Variants in DNAJC7 observed in about 807,000 individuals in gnomAD.
DNAJC7 encodes DnaJ heat shock protein family (Hsp40) member C7, also known as dnaJ homolog subfamily C member 7.
A neutral mutation model predicts 67.4 loss-of-function variants in DNAJC7; 18 were observed. The observed-to-expected ratio is 0.27, with a 90% CI of 0.18 to 0.40. The LOEUF (loss-of-function observed/expected upper bound fraction) is 0.40. DNAJC7 is among the 10% of genes least tolerant of loss of function. The pLI is 1.00. For missense variants in DNAJC7, 419 were observed against 613.8 expected (o/e 0.68, Z 3.35); for synonymous variants, 220 against 207.8 (o/e 1.06, Z -0.50).
intron 1 of DNAJC7, chr17:42,001,145 GC>G (rs1267972362): frequency 1.3e-5 from 2 of 152,638 alleles, no homozygotes; most frequent in Admixed American, 1.3e-4. Context: ...CAGGAACAGA[GC>G]TGAGTGACAG....
intron 1 of DNAJC7, chr17:42,003,697 T>C (rs553421368): frequency 5.9e-5 from 9 of 151,558 alleles, no homozygotes; most frequent in African/African-American, 2.2e-4. Context: ...AACACACCAG[T>C]ACTGAGAAAA....
At chr17:41,987,642 A>T (rs933848030) in intron 9 of DNAJC7, 177 bp downstream of exon 9, 4 of 533,498 alleles carry the variant, frequency 7.5e-6, no homozygotes, top group African/African-American at 2.0e-5. Context: ...GAGCTTGTGC[A>T]ATCTCCTCCG....
In DNAJC7 at chr17:42,017,406, G is replaced by T; in HGVS notation, c.11C>A (p.Ala4Asp). The change falls in exon 1 of 14, where the codon GCC becomes GAC. Residue 4 changes from alanine (A) to aspartate (D), a missense_variant. Physicochemically the swap from Ala to Asp is moderately radical, Grantham distance 126. Transcript: ENST00000457167. ...CGCCATTACCACATCGCACTCCGCG[G>T]CAGCCGCCATCTTACCGCCGGGACC... The part of the protein sequence containing the change: MAA[A>D]AECDVVMAAT... 1.9e-6 allele frequency: 3 copies of T among 1,608,268 alleles called. No homozygotes were observed. The highest frequency in any genetic ancestry group is 1.7e-6 in the Non-Finnish European group (2 of 1,179,858).
chr17:42,000,498 A>G lies in DNAJC7; in HGVS notation c.150T>C (p.Tyr50=). The G allele has an allele frequency of 6.2e-7, 1 of 1,609,512 alleles. No homozygotes were observed. Among genetic ancestry groups the G allele is most frequent in the Non-Finnish European group, 8.5e-7 (1 of 1,177,418 alleles). ...CTTTCTCACCTATGGCTTTTGTATA[A>G]TAATTATAAGCTTCATTGTAATCTT... ...AKKDYNEAYN[Y]YTKAIDMCPK... Residue 50 remains tyrosine, a synonymous_variant, in exon 2 of 14, where the codon TAT becomes TAC. Coordinates refer to ENST00000457167, the MANE Select transcript of DNAJC7 (RefSeq NM_003315.4).
At chr17:42,010,448 C>T (rs145095388) in intron 1 of DNAJC7, among the ~76,000 whole-genome samples, 4 of 152,102 alleles carry the variant, frequency 2.6e-5, no homozygotes, top group Non-Finnish European at 4.4e-5. Flanking sequence ...GCCAAGATTG[C>T]GCCATTGCAC....
intron 1 of DNAJC7, chr17:42,015,283 T>C (rs2052236721): frequency 1.3e-5 from 2 of 152,026 alleles, no homozygotes; most frequent in Non-Finnish European, 2.9e-5. Context: ...CCCAGCCTAA[T>C]GACACTTAAA....
chr17:41,986,014 A>G (rs1225007081), intron 9 of DNAJC7: 1 of 143,474 alleles, frequency 7.0e-6, no homozygotes, highest in African/African-American at 2.5e-5. Context: ...CTCCGAGCAA[A>G]TCAAGAATTT....
intron 9 of DNAJC7, chr17:41,985,276 A>C (rs2051347741): frequency 6.6e-6 from 1 of 152,210 alleles, no homozygotes; most frequent in South Asian, 2.1e-4. Flanking sequence ...CTTTAAAAAA[A>C]CCAATGGCCT....
At chr17:42,017,295 A>T (rs749609810) in intron 1 of DNAJC7, 45 bp downstream of exon 1, 314 of 1,608,896 alleles carry the variant, frequency 2.0e-4, no homozygotes, top group Non-Finnish European at 2.5e-4. Context: ...TCCCTGAGCC[A>T]CGGAGCTGCA....
In DNAJC7 at chr17:41,977,265, A is replaced by G. The variant is rs1305162944; in HGVS notation, c.1443T>C (p.Phe481=). 1 of 1,580,230 alleles carries G rather than the reference A, an allele frequency of 6.3e-7. No individual in the cohort carries two copies. The highest frequency in any genetic ancestry group is 8.6e-7 in the Non-Finnish European group (1 of 1,163,302). ...AFFGGPGGFS[F]EASGPGNFFF... The stretch of plus-strand genomic sequence containing the variant: ...AAGAACAGCAGGCCCACCTACCTTC[A>G]AAGCTGAAGCCGCCAGGACCGCCAA... Residue 481 remains phenylalanine (F), a synonymous_variant, in exon 13 of 14, where the codon TTT becomes TTC. Transcript: ENST00000457167.
intron 7 of DNAJC7, 64 bp downstream of exon 7, chr17:41,989,340 C>CTAG (rs1567958934): frequency 6.3e-7 from 1 of 1,581,384 alleles, no homozygotes; most frequent in African/African-American, 1.4e-5. Flanking sequence ...ACCTTCCACT[C>CTAG]TAGCCATCTT....
chr17:41,993,874 TA>T (rs371324143), intron 5 of DNAJC7, among the ~76,000 whole-genome samples: 15 of 139,018 alleles, frequency 1.1e-4, no homozygotes, highest in Admixed American at 2.2e-4. Context: ...CCGTCTCTAC[TA>T]AAAAAAAAAA....
intron 1 of DNAJC7, among the ~76,000 whole-genome samples, chr17:42,003,852 T>C (rs758307889): frequency 8.6e-5 from 13 of 151,860 alleles, no homozygotes; most frequent in Non-Finnish European, 1.8e-4. Flanking sequence ...CAGCAAAATA[T>C]AGACTTGGCC....
At chr17:41,988,417 T>A (rs1555647195) in intron 8 of DNAJC7, among the ~76,000 whole-genome samples, 1 of 152,114 alleles carries the variant, frequency 6.6e-6, no homozygotes, top group Non-Finnish European at 1.5e-5. Flanking sequence ...AAATAAATGA[T>A]CACTTGCATA....
intron 5 of DNAJC7, among the ~76,000 whole-genome samples, chr17:41,993,524 C>T (rs1253229895): frequency 6.6e-6 from 1 of 152,124 alleles, no homozygotes; most frequent in African/African-American, 2.4e-5. Context: ...ACAAAAAGTA[C>T]TGAGCAAATT....
intron 1 of DNAJC7, among the ~76,000 whole-genome samples, chr17:42,002,091 T>TA (rs1435713880): frequency 1.3e-5 from 2 of 152,228 alleles, no homozygotes; most frequent in African/African-American, 4.8e-5. Flanking sequence ...CACCATCCTG[T>TA]AACTCTAAAT....
chr17:42,016,232 T>C (rs1318209019), intron 1 of DNAJC7: 1 of 152,178 alleles, frequency 6.6e-6, no homozygotes, highest in Non-Finnish European at 1.5e-5. Flanking sequence ...TGCGTCCGAG[T>C]ACTTCTTATA....
At chr17:41,985,931 C>G (rs143394916) in intron 9 of DNAJC7, 2 of 151,776 alleles carry the variant, frequency 1.3e-5, no homozygotes, top group Non-Finnish European at 2.9e-5. Flanking sequence ...AAGAAGTTGT[C>G]TGATCAAAGC....
intron 1 of DNAJC7, among the ~76,000 whole-genome samples, chr17:42,007,060 C>A (rs1266619235): frequency 1.3e-5 from 2 of 151,200 alleles, no homozygotes; most frequent in Non-Finnish European, 2.9e-5. Flanking sequence ...TGACATCGCG[C>A]CACTGCACTC....
Sources: allele counts gnomAD v4.1 joint callset (sites outside exome capture counted in the v4.1 genomes callset), GRCh38; gene constraint gnomAD v4.1.1; transcripts MANE v1.5; gene names NCBI Gene and HGNC (gene_info 2026-07-23, HGNC 2026-07-21).